Variants in MAD2L1 observed in about 807,000 individuals in gnomAD.
The protein encoded by MAD2L1 is mitotic arrest deficient 2 like 1.
In MAD2L1, 10 loss-of-function variants were observed where a neutral mutation model predicts 25.9. That is an observed-to-expected ratio of 0.39 (90% CI 0.24 to 0.66). The LOEUF (loss-of-function observed/expected upper bound fraction) is 0.66. Ranked by LOEUF, MAD2L1 falls within the 30% of genes least tolerant of loss-of-function variation. MAD2L1 has a pLI of 0.49. For missense variants in MAD2L1, 180 were observed against 246.4 expected (o/e 0.73, Z 1.80); for synonymous variants, 81 against 91.8 (o/e 0.88, Z 0.67).
In MAD2L1 at chr4:120,059,944, C is replaced by G. The variant is rs756809162; in HGVS notation, c.*174G>C. On this transcript the variant is annotated 3_prime_UTR_variant, in exon 5 of 5. Coordinates refer to ENST00000296509, the MANE Select transcript of MAD2L1 (RefSeq NM_002358.4). ...TCATGATGTTAACTCCATGGTAAGTCAAATAGGTACCAAAAAAATAAAAGG... is the reference window on the plus strand; with the variant it reads ...TCATGATGTTAACTCCATGGTAAGTGAAATAGGTACCAAAAAAATAAAAGG... 84 of 507,704 alleles carry G rather than the reference C, an allele frequency of 1.7e-4. No homozygotes were observed. Among genetic ancestry groups the G allele is most frequent in the Non-Finnish European group, 2.5e-4 (74 of 293,218 alleles). 31.4% of individuals were successfully genotyped at this position (507,704 alleles called of 1,614,324 possible).
Position 120,060,220 on chromosome 4 carries a change from TG to T in MAD2L1, c.515del (p.Pro172HisfsTer22). On this transcript the variant is annotated frameshift_variant, in exon 5 of 5. Coordinates refer to ENST00000296509, the MANE Select transcript of MAD2L1 (RefSeq NM_002358.4). LOFTEE classifies it high-confidence loss of function. The part of the protein sequence containing the change: ...VVPEKWEESG[P>X]QFITNSEEVR... Reference sequence around the variant, plus strand: ...CTTCCTCAGAATTGGTAATAAACTGTGGTCCCGACTCTTCCCATTTTTCAGG... The same window carrying T: ...CTTCCTCAGAATTGGTAATAAACTGTGTCCCGACTCTTCCCATTTTTCAGG... The T allele has an allele frequency of 6.2e-7, 1 of 1,613,202 alleles. No homozygotes were observed.
At chr4:120,066,350 A>G (rs1726319671) in intron 1 of MAD2L1, among the ~76,000 whole-genome samples, 1 of 152,118 alleles carries the variant, frequency 6.6e-6, no homozygotes, top group African/African-American at 2.4e-5. Flanking sequence ...GTTAAAAAAA[A>G]AAAAGAAAAA....
intron 4 of MAD2L1, 44 bp from the exon 5 acceptor site, chr4:120,060,334 G>T: frequency 6.8e-7 from 1 of 1,460,670 alleles, no homozygotes; most frequent in Non-Finnish European, 9.3e-7. Context: ...TTTTCTAAAA[G>T]TAAAACTAAT....
At position 120,057,916 on chromosome 4, in the gene MAD2L1, A is replaced by AT. The variant is rs1466218764; in HGVS notation, c.*2201_*2202insA. The AT allele has an allele frequency of 6.6e-6, 1 of 152,242 alleles. No individual in the cohort carries two copies. The highest frequency in any genetic ancestry group is 1.9e-4 in the East Asian group (1 of 5,184). The allele number at this position is 152,242 out of a possible 1,614,324, so 9.4% of individuals were successfully genotyped here. A position where few individuals can be genotyped will look rare whatever the true frequency, so the allele number is the denominator to read the frequency against. ...CTTGCTCTGTCGCCCAGGCTAGAGT[A>AT]CAGTGGCACGGTCTTGGCTCACCGC... On this transcript the variant is annotated 3_prime_UTR_variant, in exon 5 of 5. Coordinates refer to ENST00000296509, the MANE Select transcript of MAD2L1 (RefSeq NM_002358.4).
chr4:120,066,421 A>G (rs1329133826), intron 1 of MAD2L1, among the ~76,000 whole-genome samples: 1 of 152,112 alleles, frequency 6.6e-6, no homozygotes, highest in Non-Finnish European at 1.5e-5. Context: ...ATCGGAAAGT[A>G]AGGGGTGGGA....
chr4:120,066,503 C>T (rs1410584077), intron 1 of MAD2L1, among the ~76,000 whole-genome samples, 159 bp downstream of exon 1: 1 of 152,222 alleles, frequency 6.6e-6, no homozygotes, highest in African/African-American at 2.4e-5. Context: ...GCCCCAGCAG[C>T]ACGCAGGCCT....
At position 120,056,458 on chromosome 4, in the gene MAD2L1, T is replaced by A. The variant is rs923843151; in HGVS notation, c.*3660A>T. ...CATTAGTGACATCTGGTGGAAAATA[T>A]AAGAGTTACAAAGTAGCATTACATA... On this transcript the variant is annotated 3_prime_UTR_variant, in exon 5 of 5. Coordinates refer to ENST00000296509, the MANE Select transcript of MAD2L1 (RefSeq NM_002358.4). 6.6e-6 allele frequency: 1 copy of A among 152,178 alleles called. No homozygotes were observed. The highest frequency in any genetic ancestry group is 6.5e-5 in the Admixed American group (1 of 15,268). The allele number at this position is 152,178 out of a possible 1,614,324, so 9.4% of individuals were successfully genotyped here. A position where few individuals can be genotyped will look rare whatever the true frequency, so the allele number is the denominator to read the frequency against.
Position 120,065,759 on chromosome 4 carries a change from G to T in MAD2L1, c.133C>A (p.Arg45=). The part of the protein sequence containing the change: ...RGIYPSETFT[R]VQKYGLTLLV... ...AAGGTGAGTCCGTATTTCTGCACTCGAGTAAAGGTTTCAGATGGATATATG... is the reference window on the plus strand; with the variant it reads ...AAGGTGAGTCCGTATTTCTGCACTCTAGTAAAGGTTTCAGATGGATATATG... The change falls in exon 2 of 5, where the codon CGA becomes AGA. Residue 45 remains arginine, a synonymous_variant. Transcript: ENST00000296509. 6.2e-7 allele frequency: 1 copy of T among 1,613,798 alleles called. No homozygotes were observed. The highest frequency in any genetic ancestry group is 1.1e-5 in the South Asian group (1 of 91,066).
rs996925724 is a variant in MAD2L1, at chr4:120,058,501, G to C, written c.*1617C>G. 1.3e-5 allele frequency: 2 copies of C among 151,766 alleles called. No homozygotes were observed. The highest frequency in any genetic ancestry group is 4.9e-5 in the African/African-American group (2 of 41,226). 9.4% of individuals were successfully genotyped at this position (151,766 alleles called of 1,614,324 possible). Reference sequence around the variant, plus strand: ...AAAAATTAGCCAGGTGTGGTGGCACGTGCCTGTAATCCCAGCTACTCAGGA... The same window carrying C: ...AAAAATTAGCCAGGTGTGGTGGCACCTGCCTGTAATCCCAGCTACTCAGGA... On this transcript the variant is annotated 3_prime_UTR_variant, in exon 5 of 5. Coordinates refer to ENST00000296509, the MANE Select transcript of MAD2L1 (RefSeq NM_002358.4).
chr4:120,063,662 C>A (rs1426020826), intron 2 of MAD2L1, among the ~76,000 whole-genome samples: 1 of 152,044 alleles, frequency 6.6e-6, no homozygotes, highest in Non-Finnish European at 1.5e-5. Context: ...TAAGAGAGAA[C>A]AGGATAAAGA....
chr4:120,059,600 C>A lies in MAD2L1; in HGVS notation c.*518G>T, dbSNP rs897824887. ...TAAATTAAAGTCAAATAATTGGAAA[C>A]TGATTCAATAGGGAAAACTATACAT... On this transcript the variant is annotated 3_prime_UTR_variant, in exon 5 of 5. Transcript: ENST00000296509. The A allele has an allele frequency of 2.0e-5, 3 of 152,120 alleles. No homozygotes were observed. Among genetic ancestry groups the A allele is most frequent in the African/African-American group, 7.2e-5 (3 of 41,412 alleles). 9.4% of individuals were successfully genotyped at this position (152,120 alleles called of 1,614,324 possible).
rs1420176868 is a variant in MAD2L1, at chr4:120,066,661, C to G, written c.73+1G>C. On this transcript the variant is annotated splice_donor_variant, in intron 1 of 4. Transcript: ENST00000296509. LOFTEE classifies it high-confidence loss of function. Reference sequence around the variant, plus strand: ...ATATATTGGCCTGCGCGAGAACTTACAGAAGAACTCGGCCACGATTTCGGC... The same window carrying G: ...ATATATTGGCCTGCGCGAGAACTTAGAGAAGAACTCGGCCACGATTTCGGC... 3 of 1,603,160 alleles carry G rather than the reference C, an allele frequency of 1.9e-6. No individual in the cohort carries two copies. Among genetic ancestry groups the G allele is most frequent in the Non-Finnish European group, 8.5e-7 (1 of 1,172,472 alleles).
At chr4:120,064,554 A>T (rs925950356) in intron 2 of MAD2L1, among the ~76,000 whole-genome samples, 1 of 152,180 alleles carries the variant, frequency 6.6e-6, no homozygotes, top group Non-Finnish European at 1.5e-5. Context: ...TATAACACAC[A>T]GAAAAGCACC....
rs2110507630 is a variant in MAD2L1, at chr4:120,059,444, A to C, written c.*674T>G. 1 of 152,344 alleles carries C rather than the reference A, an allele frequency of 6.6e-6. No homozygotes were observed. The highest frequency in any genetic ancestry group is 1.9e-4 in the East Asian group (1 of 5,192). The allele number at this position is 152,344 out of a possible 1,614,324, so 9.4% of individuals were successfully genotyped here. A position where few individuals can be genotyped will look rare whatever the true frequency, so the allele number is the denominator to read the frequency against. On this transcript the variant is annotated 3_prime_UTR_variant, in exon 5 of 5. Transcript: ENST00000296509. Reference sequence around the variant, plus strand: ...ATGTTTTAAGACAAATTTAAAACAAACTTAACTTTATTTCCTCACTTTCAC... The same window carrying C: ...ATGTTTTAAGACAAATTTAAAACAACCTTAACTTTATTTCCTCACTTTCAC...
chr4:120,060,267 T>C lies in MAD2L1; in HGVS notation c.469A>G (p.Thr157Ala). 1 of 1,611,250 alleles carries C rather than the reference T, an allele frequency of 6.2e-7. No homozygotes were observed. Among genetic ancestry groups the C allele is most frequent in the Non-Finnish European group, 8.5e-7 (1 of 1,178,048 alleles). ...VSCSFDLLIYTDKDLVVPEKW... is the reference protein window; with the variant it reads ...VSCSFDLLIYADKDLVVPEKW... The stretch of plus-strand genomic sequence containing the variant: ...TCAGGTACAACCAAATCTTTGTCTG[T>C]ATAAATCAGCAGATCAAATGAACCT... The change falls in exon 5 of 5, where the codon ACA (threonine) becomes GCA (alanine). Residue 157 changes from threonine to alanine, a missense_variant. Coordinates refer to ENST00000296509, the MANE Select transcript of MAD2L1 (RefSeq NM_002358.4).
At chr4:120,062,393 G>A (rs1045529308) in intron 2 of MAD2L1, among the ~76,000 whole-genome samples, 2 of 152,144 alleles carry the variant, frequency 1.3e-5, no homozygotes, top group Non-Finnish European at 2.9e-5. Context: ...ACCAATAAAT[G>A]AGAAATTATC....
At chr4:120,066,597 C>G in intron 1 of MAD2L1, 65 bp downstream of exon 1, 3 of 1,431,450 alleles carry the variant, frequency 2.1e-6, no homozygotes, top group South Asian at 1.2e-5. Flanking sequence ...AGAGGCCGAG[C>G]TGTGGGCCTA....
Position 120,060,163 on chromosome 4 carries a change from G to A in MAD2L1, c.573C>T (p.His191=). The A allele has an allele frequency of 6.2e-7, 1 of 1,609,910 alleles. No homozygotes were observed. The highest frequency in any genetic ancestry group is 8.5e-7 in the Non-Finnish European group (1 of 1,178,066). ...VRLRSFTTTI[H]KVNSMVAYKI... is the part of the protein sequence containing the mutation. ...TGTAGGCCACCATGCTATTTACTTT[G>A]TGGATTGTAGTAGTAAATGAACGAA... Residue 191 remains histidine (H), a synonymous_variant, in exon 5 of 5, where the codon CAC becomes CAT. Transcript: ENST00000296509.
At chr4:120,063,407 A>G (rs1283722390) in intron 2 of MAD2L1, among the ~76,000 whole-genome samples, 1 of 152,240 alleles carries the variant, frequency 6.6e-6, no homozygotes, top group Non-Finnish European at 1.5e-5. Context: ...ATTGGCCACC[A>G]AGATCTCTGT....
Sources: allele counts gnomAD v4.1 joint callset (sites outside exome capture counted in the v4.1 genomes callset), GRCh38; gene constraint gnomAD v4.1.1; transcripts MANE v1.5; gene names NCBI Gene and HGNC (gene_info 2026-07-23, HGNC 2026-07-21).